Variants in KIAA1549L observed in about 807,000 individuals in gnomAD.
KIAA1549L encodes the protein UPF0606 protein KIAA1549L.
KIAA1549L carries 88 observed loss-of-function variants against 160.7 expected under a neutral mutation model. That is an observed-to-expected ratio of 0.55 (90% CI 0.46 to 0.65). The LOEUF is 0.65. Ranked by LOEUF, KIAA1549L falls within the 30% of genes least tolerant of loss-of-function variation. KIAA1549L has a pLI of 0.00. For synonymous variants in KIAA1549L, 950 were observed against 976.7 expected (o/e 0.97, Z 0.51); for missense variants, 2,258 against 2,437.5 (o/e 0.93, Z 1.55).
chr11:33,396,081 T>C (rs890557660), intron 1 of KIAA1549L, among the ~76,000 whole-genome samples: 1 of 152,172 alleles, frequency 6.6e-6, no homozygotes, highest in African/African-American at 2.4e-5. Flanking sequence ...ATCCCTGGTG[T>C]TGTGTCTTTG....
At position 33,646,104 on chromosome 11, in the gene KIAA1549L, T is replaced by C. The variant is rs74816186; in HGVS notation, c.5760+68T>C. The stretch of plus-strand genomic sequence containing the variant: ...TGCCCAGTGAGTTCCAACAGGAGAC[T>C]CAGAGCAGGGGCTTCTACAGATAAA... On this transcript the variant is annotated intron_variant, in intron 17 of 20. Coordinates refer to ENST00000658780, the MANE Select transcript of KIAA1549L (RefSeq NM_012194.3). The C allele has an allele frequency of 2.0e-3, 2,506 of 1,229,976 alleles. 38 individuals carry two copies. In the African/African-American group the frequency reaches 0.032, roughly 16 times the overall value. The allele number at this position is 1,229,976 out of a possible 1,614,324, so 76.2% of individuals were successfully genotyped here.
At chr11:33,476,054 C>A (rs763086333) in intron 1 of KIAA1549L, among the ~76,000 whole-genome samples, 49 of 152,166 alleles carry the variant, frequency 3.2e-4, no homozygotes, top group Non-Finnish European at 6.9e-4. Context: ...AACCTGGAAA[C>A]TCCACACAAC....
intron 1 of KIAA1549L, among the ~76,000 whole-genome samples, chr11:33,459,020 C>T (rs1173997980): frequency 6.6e-6 from 1 of 152,228 alleles, no homozygotes; most frequent in Admixed American, 6.5e-5. Context: ...ATTACTTACA[C>T]TGCTTTTTAT....
chr11:33,539,291 A>T (rs895300115), intron 1 of KIAA1549L, among the ~76,000 whole-genome samples: 3 of 152,102 alleles, frequency 2.0e-5, no homozygotes, highest in Admixed American at 1.3e-4. Flanking sequence ...CTATTTATTA[A>T]TTTTTTACTA....
chr11:33,542,758 A>G lies in KIAA1549L; in HGVS notation c.1195A>G (p.Asn399Asp), dbSNP rs1590324740. ...IKAGVPGRVH[N>D]GVSLPTFKNT... ...AGCTGGGGTGCCTGGAAGAGTGCAC[A>G]ATGGGGTGTCTTTGCCAACTTTTAA... Residue 399 changes from asparagine to aspartate, a missense_variant, in exon 2 of 21, where the codon AAT becomes GAT. Transcript: ENST00000658780. 1.9e-6 allele frequency: 3 copies of G among 1,613,946 alleles called. No individual in the cohort carries two copies. Among genetic ancestry groups the G allele is most frequent in the Non-Finnish European group, 1.7e-6 (2 of 1,179,856 alleles).
At chr11:33,439,840 T>C (rs1179209757) in intron 1 of KIAA1549L, among the ~76,000 whole-genome samples, 1 of 152,088 alleles carries the variant, frequency 6.6e-6, no homozygotes, top group Non-Finnish European at 1.5e-5. Flanking sequence ...ATTTTCCGGG[T>C]ATGTCTTTCC....
At chr11:33,482,738 T>G (rs930269816) in intron 1 of KIAA1549L, among the ~76,000 whole-genome samples, 2 of 151,812 alleles carry the variant, frequency 1.3e-5, no homozygotes. Context: ...CCTGGCTAAT[T>G]TGTGTGTTTT....
At chr11:33,649,990 A>G (rs1216262742) in intron 17 of KIAA1549L, among the ~76,000 whole-genome samples, 2 of 152,172 alleles carry the variant, frequency 1.3e-5, no homozygotes, top group African/African-American at 4.8e-5. Flanking sequence ...AATGCCAGTT[A>G]TTCTGGGGCT....
intron 6 of KIAA1549L, 34 bp from the exon 7 acceptor site, chr11:33,559,714 CT>C (rs1565186283): frequency 1.2e-6 from 2 of 1,602,088 alleles, no homozygotes; most frequent in Admixed American, 3.3e-5. Context: ...CTTATTTGGC[CT>C]GTCTCCCTCC....
rs140900691 is a variant in KIAA1549L, at chr11:33,600,813, C to T, written c.4879+1866C>T. ...ATATTGTTCTATGCCCTTTCTCTTG[C>T]TTTAAACTGTGCCATACAAAGCTCC... On this transcript the variant is annotated intron_variant, in intron 13 of 20. Coordinates refer to ENST00000658780, the MANE Select transcript of KIAA1549L (RefSeq NM_012194.3). Among the ~76,000 whole-genome samples, 818 of 152,302 alleles carry T rather than the reference C, an allele frequency of 5.4e-3. 4 individuals carry two copies. The highest frequency in any genetic ancestry group is 0.019 in the African/African-American group (794 of 41,550).
At position 33,544,768 on chromosome 11, in the gene KIAA1549L, G is replaced by A. The variant is rs770364632; in HGVS notation, c.2775G>A (p.Ala925=). The change falls in exon 3 of 21, where the codon GCG becomes GCA. Residue 925 remains alanine (A), a splice_region_variant and synonymous_variant. Transcript: ENST00000658780. ...RASQHPKKWT[A]DTVSSKVQPT... ...ACTTTGTTTTTTCTCTCTTTACAGC[G>A]GACACAGTATCATCTAAGGTACAGC... is the stretch of plus-strand genomic sequence containing the variant. The A allele has an allele frequency of 4.0e-5, 64 of 1,587,048 alleles. No individual in the cohort carries two copies. Among genetic ancestry groups the A allele is most frequent in the Middle Eastern group, 1.7e-4 (1 of 5,956 alleles).
At chr11:33,419,897 CATACATACATATATATAT>C (rs896116593) in intron 1 of KIAA1549L, among the ~76,000 whole-genome samples, 8 of 101,336 alleles carry the variant, frequency 7.9e-5, no homozygotes, top group East Asian at 2.6e-4. Flanking sequence ...TACATACATA[CATACATACATATATATAT>C]ATGAATAGCT....
At chr11:33,430,727 C>T (rs1450043783) in intron 1 of KIAA1549L, among the ~76,000 whole-genome samples, 1 of 152,150 alleles carries the variant, frequency 6.6e-6, no homozygotes, top group Non-Finnish European at 1.5e-5. Flanking sequence ...TGTTCTAGGA[C>T]CAAACTTACC....
rs1554981501 is a variant in KIAA1549L at position 33,477,502 on chromosome 11, T to TGCCC, written c.239-64298_239-64297insCCGC. ...AATCTGTGGTGGAGTGCCACGCAGG[T>TGCCC]GCACGCACACACACACAAACACACA... On this transcript the variant is annotated intron_variant, in intron 1 of 20. Coordinates refer to ENST00000658780, the MANE Select transcript of KIAA1549L (RefSeq NM_012194.3). Among the ~76,000 whole-genome samples, 12 of 140,206 alleles carry TGCCC rather than the reference T, an allele frequency of 8.6e-5. No individual in the cohort carries two copies. The Admixed American group carries it at 8.6e-4, about 10-fold the overall frequency. The allele number at this position is 140,206 out of a possible 152,430, so 92.0% of individuals were successfully genotyped here.
In KIAA1549L at chr11:33,394,080, T is replaced by C. The variant is rs1850321732; in HGVS notation, c.238+17191T>C. On this transcript the variant is annotated intron_variant, in intron 1 of 20. Coordinates refer to ENST00000658780, the MANE Select transcript of KIAA1549L (RefSeq NM_012194.3). ...TCTCCACAGATGGGTTTTCAAAAAT[T>C]AAACACTTGTGGCTGGGCGCAATGG... is the stretch of plus-strand genomic sequence containing the variant. 1.3e-5 allele frequency among the ~76,000 whole-genome samples: 2 copies of C among 152,040 alleles called. 1 individual carries two copies. Among genetic ancestry groups the C allele is most frequent in the Admixed American group, 1.3e-4 (2 of 15,258 alleles).
chr11:33,618,630 C>T lies in KIAA1549L; in HGVS notation c.5377C>T (p.Pro1793Ser), dbSNP rs775132777. 1.2e-6 allele frequency: 2 copies of T among 1,601,932 alleles called. No homozygotes were observed. Among genetic ancestry groups the T allele is most frequent in the Admixed American group, 3.4e-5 (2 of 58,324 alleles). ...GGACCTTCTGGTGACTCGGGAGCGACCCCGGCGTGGAATCCGCAACAGCGG... is the reference window on the plus strand; with the variant it reads ...GGACCTTCTGGTGACTCGGGAGCGATCCCGGCGTGGAATCCGCAACAGCGG... ...EMDLLVTRER[P>S]RRGIRNSGYD... is the part of the protein sequence containing the mutation. Residue 1793 changes from proline to serine, a missense_variant, in exon 16 of 21, where the codon CCC becomes TCC. By Grantham distance (74) the Pro-to-Ser change is moderately conservative. Coordinates refer to ENST00000658780, the MANE Select transcript of KIAA1549L (RefSeq NM_012194.3).
At chr11:33,532,466 G>A (rs559099803) in intron 1 of KIAA1549L, among the ~76,000 whole-genome samples, 13 of 152,304 alleles carry the variant, frequency 8.5e-5, no homozygotes, top group South Asian at 8.3e-4. Flanking sequence ...GACTTTACGC[G>A]TATCAGCTCA....
chr11:33,494,599 A>G (rs1048324638), intron 1 of KIAA1549L, among the ~76,000 whole-genome samples: 8 of 152,358 alleles, frequency 5.3e-5, no homozygotes, highest in East Asian at 1.9e-4. Flanking sequence ...GGACCTTTAA[A>G]GAGTTTCCAA....
At chr11:33,484,078 C>CA (rs1455655331) in intron 1 of KIAA1549L, among the ~76,000 whole-genome samples, 10 of 152,088 alleles carry the variant, frequency 6.6e-5, no homozygotes, top group African/African-American at 2.4e-4. Flanking sequence ...TTTCAAAGAG[C>CA]AAAAACCAGA....
Sources: gnomAD v4.1 joint callset for allele counts (sites outside exome capture counted in the v4.1 genomes callset) on GRCh38, gnomAD v4.1.1 for gene constraint, MANE v1.5 for transcripts, NCBI Gene and HGNC (gene_info 2026-07-23, HGNC 2026-07-21) for gene names.